Variants in EXOC4 observed in about 807,000 individuals in gnomAD.
EXOC4 encodes the protein exocyst complex component 4.
In EXOC4, 71 loss-of-function variants were observed where a neutral mutation model predicts 107.2. The ratio of observed to expected loss-of-function variants is 0.66; its 90% confidence interval spans 0.55 to 0.81. The LOEUF (loss-of-function observed/expected upper bound fraction) is 0.81. Ranked by LOEUF, EXOC4 falls within the 30% of genes least tolerant of loss-of-function variation. EXOC4 has a pLI of 0.00. For missense variants in EXOC4, 1,108 were observed against 1,189.6 expected, an observed-to-expected ratio of 0.93 and a Z score of 1.01; for synonymous variants, 456 against 441.2, an observed-to-expected ratio of 1.03 and a Z score of -0.42.
At chr7:133,256,140 C>G (rs191692070) in intron 1 of EXOC4, among the ~76,000 whole-genome samples, 2 of 152,236 alleles carry the variant, frequency 1.3e-5, no homozygotes, top group Admixed American at 1.3e-4. Flanking sequence ...CGCCACCATA[C>G]CCGACTAATG....
chr7:133,409,369 T>A (rs1005689699), intron 7 of EXOC4, among the ~76,000 whole-genome samples: 1 of 152,236 alleles, frequency 6.6e-6, no homozygotes, highest in South Asian at 2.1e-4. Flanking sequence ...CTGTGCTACA[T>A]GCTATAAGCA....
At chr7:133,845,465 C>T (rs1045363708) in intron 11 of EXOC4, among the ~76,000 whole-genome samples, 5 of 149,130 alleles carry the variant, frequency 3.4e-5, no homozygotes, top group Non-Finnish European at 5.9e-5. Context: ...AGAAATACAA[C>T]GTTTGCCCAT....
intron 1 of EXOC4, among the ~76,000 whole-genome samples, chr7:133,254,674 A>G (rs2150495911): frequency 6.6e-6 from 1 of 152,338 alleles, no homozygotes; most frequent in Non-Finnish European, 1.5e-5. Flanking sequence ...GCAAAGATGA[A>G]GCAGGCACAG....
At chr7:133,858,810 C>A (rs1333914115) in intron 11 of EXOC4, among the ~76,000 whole-genome samples, 1 of 152,122 alleles carries the variant, frequency 6.6e-6, no homozygotes. Flanking sequence ...TCAAATTAGT[C>A]AAATCAATGT....
At chr7:133,576,324 T>TG in intron 9 of EXOC4, 1 of 424,616 alleles carries the variant, frequency 2.4e-6, no homozygotes, top group Non-Finnish European at 4.1e-6. Flanking sequence ...GGATCTGTGT[T>TG]GGTTGAGATA....
intron 13 of EXOC4, among the ~76,000 whole-genome samples, chr7:133,925,222 A>G (rs1800025416): frequency 1.4e-5 from 2 of 147,660 alleles, no homozygotes; most frequent in Admixed American, 1.3e-4. Context: ...TCATTACTAA[A>G]TGAGGCTCTT....
At chr7:133,417,726 A>G (rs899672457) in intron 7 of EXOC4, among the ~76,000 whole-genome samples, 5 of 152,090 alleles carry the variant, frequency 3.3e-5, no homozygotes, top group Non-Finnish European at 7.4e-5. Context: ...TGACCAGTCT[A>G]CCTCATCAGT....
chr7:133,371,044 C>A (rs1428414974), intron 6 of EXOC4, among the ~76,000 whole-genome samples: 1 of 152,114 alleles, frequency 6.6e-6, no homozygotes, highest in Non-Finnish European at 1.5e-5. Context: ...AAAGAAAAAA[C>A]CAAGTGAACT....
rs1320917899 is a variant in EXOC4, at chr7:133,686,033, G to A, written c.1514+55892G>A. On this transcript the variant is annotated intron_variant, in intron 10 of 17. Transcript: ENST00000253861. ...TAATTCTATCTATGTTGCTGCAATA[G>A]ACATGATTTTATTCTTTTTCGTGGA... Among the ~76,000 whole-genome samples the A allele has an allele frequency of 2.0e-5, 3 of 152,072 alleles. No individual in the cohort carries two copies. The South Asian group carries it at 6.2e-4, about 31-fold the overall frequency.
intron 1 of EXOC4, among the ~76,000 whole-genome samples, chr7:133,274,113 C>T (rs1270775621): frequency 6.6e-6 from 1 of 152,162 alleles, no homozygotes; most frequent in Non-Finnish European, 1.5e-5. Context: ...CTATCTCATT[C>T]CCTGGTTATT....
At chr7:133,454,114 A>G (rs934558482) in intron 7 of EXOC4, among the ~76,000 whole-genome samples, 3 of 152,242 alleles carry the variant, frequency 2.0e-5, no homozygotes, top group Non-Finnish European at 2.9e-5. Flanking sequence ...AAGACATGCT[A>G]CTATTACAGT....
At chr7:134,021,654 A>G (rs1017238578) in intron 17 of EXOC4, among the ~76,000 whole-genome samples, 6 of 151,114 alleles carry the variant, frequency 4.0e-5, no homozygotes, top group African/African-American at 1.5e-4. Flanking sequence ...CCTGGAATCT[A>G]CATGTTTAAA....
chr7:133,947,074 G>A (rs1049225571), intron 14 of EXOC4, among the ~76,000 whole-genome samples: 10 of 152,302 alleles, frequency 6.6e-5, no homozygotes, highest in African/African-American at 2.4e-4. Context: ...TAACCAGGGG[G>A]AAACTATTTG....
intron 2 of EXOC4, among the ~76,000 whole-genome samples, chr7:133,288,571 G>A (rs986632935): frequency 1.3e-5 from 2 of 152,154 alleles, no homozygotes; most frequent in African/African-American, 4.8e-5. Flanking sequence ...AGGTATAATA[G>A]CATGGACTCT....
chr7:134,025,363 G>A (rs1028286835), intron 17 of EXOC4, among the ~76,000 whole-genome samples: 5 of 152,092 alleles, frequency 3.3e-5, no homozygotes, highest in Non-Finnish European at 7.4e-5. Context: ...ATGCCCTGAA[G>A]CAAGGCTACC....
At chr7:133,561,959 A>G (rs992122983) in intron 9 of EXOC4, among the ~76,000 whole-genome samples, 1 of 152,220 alleles carries the variant, frequency 6.6e-6, no homozygotes, top group Non-Finnish European at 1.5e-5. Context: ...ATGTATGCAT[A>G]GCTCACATTT....
intron 10 of EXOC4, among the ~76,000 whole-genome samples, chr7:133,770,048 CAT>C (rs1453078502): frequency 6.7e-6 from 1 of 150,086 alleles, no homozygotes; most frequent in Non-Finnish European, 1.5e-5. Context: ...CCAAAATCAA[CAT>C]GTGTAGCCAT....
intron 10 of EXOC4, among the ~76,000 whole-genome samples, chr7:133,707,470 TGTTA>T (rs1235560065): frequency 6.6e-6 from 1 of 151,942 alleles, no homozygotes; most frequent in African/African-American, 2.4e-5. Context: ...AAAAAGTCAT[TGTTA>T]AAGAGAAACA....
At chr7:133,936,794 T>C (rs2116723610) in intron 13 of EXOC4, among the ~76,000 whole-genome samples, 1 of 152,126 alleles carries the variant, frequency 6.6e-6, no homozygotes, top group Non-Finnish European at 1.5e-5. Flanking sequence ...CTAGTAGCTG[T>C]GGCTGTAGGT....
Sources: gnomAD v4.1 joint callset for allele counts (sites outside exome capture counted in the v4.1 genomes callset) on GRCh38, gnomAD v4.1.1 for gene constraint, MANE v1.5 for transcripts, NCBI Gene and HGNC (gene_info 2026-07-23, HGNC 2026-07-21) for gene names.